Variants in FANCM observed in about 807,000 individuals in gnomAD.
FANCM encodes FA complementation group M.
FANCM carries 140 observed loss-of-function variants against 199.5 expected under a neutral mutation model. The observed-to-expected ratio is 0.70, with a 90% CI of 0.61 to 0.81. The LOEUF is 0.81. Ranked by LOEUF, FANCM falls within the 30% of genes least tolerant of loss-of-function variation. FANCM has a pLI of 0.00. For missense variants in FANCM, 2,410 were observed against 2,421.4 expected, an observed-to-expected ratio of 1.00 and a Z score of 0.10; for synonymous variants, 840 against 836.8, an observed-to-expected ratio of 1.00 and a Z score of -0.07.
chr14:45,154,877 A>G, intron 7 of FANCM, 55 bp downstream of exon 7: 1 of 1,472,476 alleles, frequency 6.8e-7, no homozygotes. Context: ...ATCACAGTTA[A>G]TTTTGAAATT....
intron 11 of FANCM, 117 bp downstream of exon 11, chr14:45,167,280 A>G: frequency 2.8e-6 from 2 of 711,026 alleles, no homozygotes; most frequent in African/African-American, 3.5e-5. Flanking sequence ...TTAATATATT[A>G]TAGGCATTCT....
rs1203836498 is a variant in FANCM, at chr14:45,137,817, T to C, written c.681+576T>C. The C allele has an allele frequency of 4.4e-5, 7 of 157,622 alleles. 1 individual carries two copies. In the East Asian group the frequency reaches 1.3e-3, roughly 30 times the overall value. 9.8% of individuals were successfully genotyped at this position (157,622 alleles called of 1,614,324 possible). A position where few individuals can be genotyped will look rare whatever the true frequency, so the allele number is the denominator to read the frequency against. On this transcript the variant is annotated intron_variant, in intron 2 of 22. Coordinates refer to ENST00000267430, the MANE Select transcript of FANCM (RefSeq NM_020937.4). ...CTCTTCTACTCAAGGTCCAGGTCAT[T>C]AATATTTTATGCTTAATAGTTTGAA...
Position 45,136,160 on chromosome 14 carries a change from A to C in FANCM, c.129A>C (p.Pro43=). The C allele has an allele frequency of 6.2e-7, 1 of 1,614,180 alleles. No homozygotes were observed. Among genetic ancestry groups the C allele is most frequent in the Non-Finnish European group, 8.5e-7 (1 of 1,180,032 alleles). Residue 43 remains proline, a synonymous_variant, in exon 1 of 23, where the codon CCA becomes CCC. Transcript: ENST00000267430. ...CTGGCAGCTCCAAGGCGCCTTTGCC[A>C]GCAGCAGCGGAGGCTCAGCTGGAGT... ...QSPGSSKAPL[P]AAAEAQLESD...
intron 17 of FANCM, 41 bp downstream of exon 17, chr14:45,183,943 A>G (rs898185325): frequency 7.0e-7 from 1 of 1,423,064 alleles, no homozygotes; most frequent in Non-Finnish European, 9.8e-7. Context: ...TATGCATTTT[A>G]TCAGTAAAGA....
At chr14:45,154,902 C>A (rs1278226588) in intron 7 of FANCM, 80 bp downstream of exon 7, 3 of 1,000,208 alleles carry the variant, frequency 3.0e-6, no homozygotes, top group Non-Finnish European at 4.7e-6. Context: ...TCCTTTGATG[C>A]AAATGTCTAC....
At chr14:45,193,159 G>A (rs1037205681) in intron 20 of FANCM, among the ~76,000 whole-genome samples, 5 of 152,186 alleles carry the variant, frequency 3.3e-5, no homozygotes, top group African/African-American at 1.2e-4. Flanking sequence ...TGCCTTCAGA[G>A]CTTAGGTGAA....
At chr14:45,165,202 T>G (rs1887881523) in intron 10 of FANCM, among the ~76,000 whole-genome samples, 1 of 152,242 alleles carries the variant, frequency 6.6e-6, no homozygotes, top group African/African-American at 2.4e-5. Context: ...TTATCGAGAC[T>G]AGTTCAGCAG....
intron 20 of FANCM, among the ~76,000 whole-genome samples, chr14:45,189,916 C>T (rs887950744): frequency 2.7e-5 from 4 of 150,006 alleles, no homozygotes; most frequent in African/African-American, 4.9e-5. Flanking sequence ...TGCAGTCAGC[C>T]GAGATCATGC....
At chr14:45,198,016 C>G (rs868244506) in intron 21 of FANCM, among the ~76,000 whole-genome samples, 1 of 150,272 alleles carries the variant, frequency 6.7e-6, no homozygotes, top group Non-Finnish European at 1.5e-5. Context: ...ATCTTCCTGC[C>G]TCAGCCTCCC....
intron 5 of FANCM, among the ~76,000 whole-genome samples, chr14:45,153,317 AGCTACCT>A (rs1174593391): frequency 6.6e-6 from 1 of 152,270 alleles, no homozygotes; most frequent in African/African-American, 2.4e-5. Context: ...AGCATAACAT[AGCTACCT>A]GCTAGATACT....
At chr14:45,185,445 T>C (rs1889342341) in intron 18 of FANCM, 72 bp downstream of exon 18, 6 of 913,736 alleles carry the variant, frequency 6.6e-6, no homozygotes. Context: ...TTTTAATCAG[T>C]TTTTAATGAA....
At chr14:45,193,224 A>G (rs1211383882) in intron 20 of FANCM, among the ~76,000 whole-genome samples, 1 of 152,198 alleles carries the variant, frequency 6.6e-6, no homozygotes, top group Non-Finnish European at 1.5e-5. Context: ...GGAGAAGGGC[A>G]GGAAAACATC....
chr14:45,170,502 G>C (rs2139225759), intron 11 of FANCM, 87 bp from the exon 12 acceptor site: 4 of 939,060 alleles, frequency 4.3e-6, no homozygotes, highest in Non-Finnish European at 6.7e-6. Context: ...CTCCAACCTG[G>C]GTGACAGAGT....
Position 45,176,781 on chromosome 14 carries a change from A to C in FANCM, c.4027A>C (p.Lys1343Gln). Residue 1343 changes from lysine (K) to glutamine (Q), a missense_variant, in exon 14 of 23, where the codon AAA becomes CAA. By Grantham distance (53) the Lys-to-Gln change is moderately conservative. Transcript: ENST00000267430. ...QKKVMSTPLSKSNTLNSFSKI... is the reference protein window; with the variant it reads ...QKKVMSTPLSQSNTLNSFSKI... ...AAAAGTTATGAGTACACCACTCTCT[A>C]AATCAAACACATTGAACTCATTTTC... 6.2e-7 allele frequency: 1 copy of C among 1,609,634 alleles called. No individual in the cohort carries two copies. Among genetic ancestry groups the C allele is most frequent in the Non-Finnish European group, 8.5e-7 (1 of 1,177,846 alleles).
chr14:45,149,285 G>GCA lies in FANCM; in HGVS notation c.918+313_918+314dup, dbSNP rs147489712. On this transcript the variant is annotated intron_variant, in intron 4 of 22. Coordinates refer to ENST00000267430, the MANE Select transcript of FANCM (RefSeq NM_020937.4). ...ACCTTATAACTGGAATATAGAACAT[G>GCA]CACACACACACACACACACACACAA... 0.042 allele frequency among the ~76,000 whole-genome samples: 6,266 copies of GCA among 148,020 alleles called. 180 individuals are homozygous for GCA. The highest frequency in any genetic ancestry group is 0.079 in the Middle Eastern group (23 of 292).
At chr14:45,160,554 C>CT (rs946172201) in intron 9 of FANCM, among the ~76,000 whole-genome samples, 5 of 137,780 alleles carry the variant, frequency 3.6e-5, no homozygotes, top group South Asian at 2.3e-4. Context: ...TTTTTTTTTT[C>CT]TTTTTTTTGA....
At chr14:45,155,108 C>T (rs576835091) in intron 7 of FANCM, among the ~76,000 whole-genome samples, 2 of 151,952 alleles carry the variant, frequency 1.3e-5, no homozygotes, top group East Asian at 1.9e-4. Flanking sequence ...ACTATCAAAA[C>T]CTGATTTATA....
chr14:45,192,770 G>C (rs764571227), intron 20 of FANCM, among the ~76,000 whole-genome samples: 2 of 151,844 alleles, frequency 1.3e-5, no homozygotes, highest in African/African-American at 4.8e-5. Context: ...TTGAGGTTGC[G>C]GTGAGCTATG....
At chr14:45,192,253 C>T (rs560489480) in intron 20 of FANCM, among the ~76,000 whole-genome samples, 1 of 152,290 alleles carries the variant, frequency 6.6e-6, no homozygotes, top group Admixed American at 6.5e-5. Flanking sequence ...GGTTGTAGGG[C>T]AAACAGTTAG....
Sources: gnomAD v4.1 joint callset for allele counts (sites outside exome capture counted in the v4.1 genomes callset) on GRCh38, gnomAD v4.1.1 for gene constraint, MANE v1.5 for transcripts, NCBI Gene and HGNC (gene_info 2026-07-23, HGNC 2026-07-21) for gene names.